The following PDGFRA variants were observed in gnomAD, a reference collection of about 807,000 sequenced individuals.
PDGFRA encodes the protein platelet-derived growth factor receptor alpha.
Under a neutral mutation model 121.5 loss-of-function variants are expected in PDGFRA, and 25 were observed. The observed-to-expected ratio is 0.21, with a 90% confidence interval of 0.15 to 0.29. The LOEUF is 0.29. PDGFRA is among the 10% of genes least tolerant of loss of function. PDGFRA has a pLI of 1.00. For missense variants in PDGFRA, 1,008 were observed against 1,345.1 expected, an observed-to-expected ratio of 0.75 and a Z score of 3.92; for synonymous variants, 463 against 494.8, an observed-to-expected ratio of 0.94 and a Z score of 0.85.
chr4:54,286,367 T>C (rs898052765), intron 18 of PDGFRA, among the ~76,000 whole-genome samples: 4 of 151,492 alleles, frequency 2.6e-5, no homozygotes, highest in African/African-American at 4.9e-5. Context: ...TTATTTTCTT[T>C]TTTTTTGAGA....
chr4:54,274,956 G>C lies in PDGFRA; in HGVS notation c.1769G>C (p.Arg590Thr), dbSNP rs1723640047. Residue 590 changes from arginine to threonine, a missense_variant, in exon 12 of 23, where the codon AGA becomes ACA. By Grantham distance (71) the Arg-to-Thr change is moderately conservative. Coordinates refer to ENST00000257290, the MANE Select transcript of PDGFRA (RefSeq NM_006206.6). ...LPYDSRWEFP[R>T]DGLVLGRVLG... Reference sequence around the variant, plus strand: ...TATGACTCAAGATGGGAGTTTCCAAGAGATGGACTAGTGCTTGGTAAGTTC... The same window carrying C: ...TATGACTCAAGATGGGAGTTTCCAACAGATGGACTAGTGCTTGGTAAGTTC... 1 of 1,614,152 alleles carries C rather than the reference G, an allele frequency of 6.2e-7. No individual in the cohort carries two copies. Among genetic ancestry groups the C allele is most frequent in the Non-Finnish European group, 8.5e-7 (1 of 1,179,998 alleles).
chr4:54,239,557 C>G (rs939976784), intron 1 of PDGFRA, among the ~76,000 whole-genome samples: 2 of 152,224 alleles, frequency 1.3e-5, no homozygotes, highest in Admixed American at 1.3e-4. Flanking sequence ...AACTGATTGG[C>G]ACTGTTTGGG....
intron 1 of PDGFRA, chr4:54,229,833 C>A (rs982773169): frequency 2.6e-5 from 4 of 152,490 alleles, no homozygotes; most frequent in African/African-American, 7.3e-5. Context: ...GGCAGTGGGT[C>A]CTGGAAGGCG....
At chr4:54,255,783 G>A (rs1206565766) in intron 1 of PDGFRA, among the ~76,000 whole-genome samples, 3 of 151,852 alleles carry the variant, frequency 2.0e-5, no homozygotes, top group African/African-American at 7.3e-5. Flanking sequence ...GGGATTACAG[G>A]CGTGAGCCAC....
rs1341601078 is a variant in PDGFRA at position 54,291,360 on chromosome 4, G to A, written c.3122+806G>A. Among the ~76,000 whole-genome samples the A allele has an allele frequency of 5.3e-5, 8 of 152,154 alleles. No homozygotes were observed. In the East Asian group the frequency reaches 5.8e-4, roughly 11 times the overall value. ...AGTTATTAAAAATAACTACAATGCC[G>A]TTATCTCACCCAAAACAGGGACAAT... On this transcript the variant is annotated intron_variant, in intron 22 of 22. Transcript: ENST00000257290.
chr4:54,258,533 A>G (rs1722497525), intron 1 of PDGFRA, among the ~76,000 whole-genome samples: 1 of 152,110 alleles, frequency 6.6e-6, no homozygotes, highest in South Asian at 2.1e-4. Context: ...GCATGCAATC[A>G]CAGAAGGTTT....
chr4:54,295,083 T>C, intron 22 of PDGFRA, 42 bp from the exon 23 acceptor site: 1 of 1,595,798 alleles, frequency 6.3e-7, no homozygotes, highest in Non-Finnish European at 8.6e-7. Context: ...GGTCTAGTTC[T>C]GTGCAGGAGT....
intron 9 of PDGFRA, 22 bp from the exon 10 acceptor site, chr4:54,273,515 C>A: frequency 6.2e-7 from 1 of 1,603,592 alleles, no homozygotes; most frequent in Non-Finnish European, 8.5e-7. Context: ...TGGCCCTATA[C>A]TTAGGCCCTT....
At chr4:54,230,899 G>T (rs1277715044) in intron 1 of PDGFRA, among the ~76,000 whole-genome samples, 1 of 152,246 alleles carries the variant, frequency 6.6e-6, no homozygotes, top group Non-Finnish European at 1.5e-5. Flanking sequence ...CGTCCATTTG[G>T]CATTGAATAT....
intron 22 of PDGFRA, among the ~76,000 whole-genome samples, chr4:54,292,595 T>C (rs1017248038): frequency 1.3e-5 from 2 of 152,118 alleles, no homozygotes; most frequent in African/African-American, 4.8e-5. Context: ...TGGGATGATC[T>C]GTGCGGCAAA....
chr4:54,235,196 C>T (rs1346958549), intron 1 of PDGFRA, among the ~76,000 whole-genome samples: 1 of 152,174 alleles, frequency 6.6e-6, no homozygotes, highest in Non-Finnish European at 1.5e-5. Context: ...AACTGAGCCT[C>T]GGAAATCTGA....
chr4:54,267,345 G>A lies in PDGFRA; in HGVS notation c.816G>A (p.Val272=), dbSNP rs2110264810. The change falls in exon 6 of 23, where the codon GTG becomes GTA. Residue 272 remains valine (V), a synonymous_variant. Coordinates refer to ENST00000257290, the MANE Select transcript of PDGFRA (RefSeq NM_006206.6). ...TCAAAGTCCCATCCATCAAATTGGT[G>A]TACACTTTGACGGTCCCCGAGGCCA... ...EEIKVPSIKL[V]YTLTVPEATV... is the part of the protein sequence containing the mutation. 1.9e-6 allele frequency: 3 copies of A among 1,614,040 alleles called. No individual in the cohort carries two copies. The highest frequency in any genetic ancestry group is 1.3e-5 in the African/African-American group (1 of 75,050).
At chr4:54,242,317 C>T (rs1178287049) in intron 1 of PDGFRA, among the ~76,000 whole-genome samples, 2 of 152,084 alleles carry the variant, frequency 1.3e-5, no homozygotes, top group Non-Finnish European at 2.9e-5. Flanking sequence ...AAATTGCTTG[C>T]CATCTCTTTG....
rs775205485 is a variant in PDGFRA at position 54,290,373 on chromosome 4, C to T, written c.2941C>T (p.Arg981Cys). 17 of 1,611,846 alleles carry T rather than the reference C, an allele frequency of 1.1e-5. No homozygotes were observed. Among genetic ancestry groups the T allele is most frequent in the East Asian group, 8.9e-5 (4 of 44,886 alleles). Residue 981 changes from arginine to cysteine, a missense_variant, in exon 22 of 23, where the codon CGT becomes TGT. By Grantham distance (180) the Arg-to-Cys change is radical (BLOSUM62 -3). This residue lies in a region of PDGFRA where 204 missense variants were observed against 243.0 expected (regional missense o/e 0.84). Transcript: ENST00000257290. ...TGACCATCCTGCTGTGGCACGCATG[C>T]GTGTGGACTCAGACAATGCATACAT... is the stretch of plus-strand genomic sequence containing the variant. ...KSDHPAVARM[R>C]VDSDNAYIGV...
intron 1 of PDGFRA, among the ~76,000 whole-genome samples, chr4:54,236,599 C>T (rs1370586443): frequency 2.6e-5 from 4 of 152,114 alleles, no homozygotes; most frequent in East Asian, 1.9e-4. Flanking sequence ...GTCAGGAGTT[C>T]GAGATCAGCC....
Position 54,289,018 on chromosome 4 carries a change from C to T in PDGFRA, c.2784C>T (p.Ile928=), listed in dbSNP as rs764838149. 3 of 1,607,506 alleles carry T rather than the reference C, an allele frequency of 1.9e-6. No individual in the cohort carries two copies. The highest frequency in any genetic ancestry group is 2.6e-6 in the Non-Finnish European group (3 of 1,174,080). Residue 928 remains isoleucine (I), a synonymous_variant, in exon 21 of 23, where the codon ATC becomes ATT. Transcript: ENST00000257290. Reference sequence around the variant, plus strand: ...AGTTCTGTCCCCACAGCTACGAGATCATGGTGAAATGCTGGAACAGTGAGC... The same window carrying T: ...AGTTCTGTCCCCACAGCTACGAGATTATGGTGAAATGCTGGAACAGTGAGC... ...PDHATSEVYE[I]MVKCWNSEPE...
At chr4:54,254,563 G>A (rs1463309949) in intron 1 of PDGFRA, among the ~76,000 whole-genome samples, 2 of 152,174 alleles carry the variant, frequency 1.3e-5, no homozygotes, top group African/African-American at 2.4e-5. Flanking sequence ...TTTTAAGCTC[G>A]AGAATGCTTT....
Position 54,263,016 on chromosome 4 carries a change from G to A in PDGFRA, c.368-651G>A, listed in dbSNP as rs142456958. Among the ~76,000 whole-genome samples, 295 of 152,242 alleles carry A rather than the reference G, an allele frequency of 1.9e-3. 1 individual carries two copies. The highest frequency in any genetic ancestry group is 6.8e-3 in the African/African-American group (283 of 41,544). On this transcript the variant is annotated intron_variant, in intron 3 of 22. Transcript: ENST00000257290. ...GAGACTGTTAGAACTTCTTACCACC[G>A]TAGCTTAAGTAGCTGTTTTTCTTTT...
chr4:54,269,897 C>T (rs1288712911), intron 7 of PDGFRA, among the ~76,000 whole-genome samples: 1 of 151,822 alleles, frequency 6.6e-6, no homozygotes, highest in Non-Finnish European at 1.5e-5. Flanking sequence ...AGTGATTCAC[C>T]TACCTTGGCC....
Sources: allele counts gnomAD v4.1 joint callset (sites outside exome capture counted in the v4.1 genomes callset), GRCh38; gene constraint gnomAD v4.1.1; regional missense constraint gnomAD v4.1.1; transcripts MANE v1.5; gene names NCBI Gene and HGNC (gene_info 2026-07-23, HGNC 2026-07-21).